WDR62: variants seen among roughly 807,000 people sequenced by gnomAD.
WDR62 encodes the protein WD repeat-containing protein 62.
A neutral mutation model predicts 160.6 loss-of-function variants in WDR62; 112 were observed. The ratio of observed to expected loss-of-function variants is 0.70; its 90% confidence interval spans 0.60 to 0.82. WDR62 has a LOEUF of 0.82. Among genes scored for constraint, WDR62 ranks in the 40% least tolerant of loss-of-function variants. WDR62 has a pLI of 0.00. For missense variants in WDR62, 1,819 were observed against 1,983.8 expected, an observed-to-expected ratio of 0.92 and a Z score of 1.58; for synonymous variants, 792 against 815.1, an observed-to-expected ratio of 0.97 and a Z score of 0.48.
chr19:36,082,026 A>G (rs1971931132), intron 10 of WDR62: 1 of 363,534 alleles, frequency 2.8e-6, no homozygotes, highest in African/African-American at 2.1e-5. Context: ...TTTGGTTAGT[A>G]TTGCAAGCCC....
chr19:36,060,396 A>C (rs1970585828), intron 3 of WDR62: 1 of 281,276 alleles, frequency 3.6e-6, no homozygotes, highest in Non-Finnish European at 7.0e-6. Flanking sequence ...CTGAGACCTG[A>C]AGGAAGCGAG....
intron 7 of WDR62, among the ~76,000 whole-genome samples, chr19:36,069,052 CG>C (rs1030099398): frequency 6.6e-6 from 1 of 151,268 alleles, no homozygotes; most frequent in Non-Finnish European, 1.5e-5. Context: ...CCCTCCTGGA[CG>C]GGGCGGCTGG....
At position 36,084,743 on chromosome 19, in the gene WDR62, G is replaced by A. The variant is rs2301734; in HGVS notation, c.1641G>A (p.Thr547=). The A allele has an allele frequency of 0.19, 307,428 of 1,612,594 alleles. 30,757 individuals are homozygous for A. The highest frequency in any genetic ancestry group is 0.23 in the Middle Eastern group (1,359 of 5,970). ...VLCLEYSKPE[T]GLTLLASASR... Reference sequence around the variant, plus strand: ...GCCTGGAGTACTCCAAGCCAGAGACGGGTGAGCCCGCAGCAGGGGTGGAAT... The same window carrying A: ...GCCTGGAGTACTCCAAGCCAGAGACAGGTGAGCCCGCAGCAGGGGTGGAAT... The change falls in exon 12 of 32, where the codon ACG becomes ACA. Residue 547 remains threonine (T), a splice_region_variant and synonymous_variant. Coordinates refer to ENST00000401500, the MANE Select transcript of WDR62 (RefSeq NM_001083961.2).
At chr19:36,088,994 A>G (rs765927079) in intron 13 of WDR62, 44 bp from the exon 14 acceptor site, 13 of 1,609,898 alleles carry the variant, frequency 8.1e-6, no homozygotes, top group African/African-American at 1.3e-5. Context: ...TCCCCTGCCC[A>G]TGTGGCCCAG....
At chr19:36,069,284 G>A (rs1356488105) in intron 7 of WDR62, among the ~76,000 whole-genome samples, 5 of 151,682 alleles carry the variant, frequency 3.3e-5, no homozygotes, top group African/African-American at 4.8e-5. Context: ...CGGGGCGGCT[G>A]CCGGGCGGAG....
intron 26 of WDR62, chr19:36,102,431 T>C (rs1333958528): frequency 1.7e-6 from 1 of 580,418 alleles, no homozygotes; most frequent in African/African-American, 1.9e-5. Flanking sequence ...CTGCTAATTT[T>C]TTGTATTTTT....
At chr19:36,105,946 A>C (rs1189959611), downstream of WDR62, among the ~76,000 whole-genome samples, 3 of 151,960 alleles carry the variant, frequency 2.0e-5, no homozygotes, top group Admixed American at 6.6e-5. Flanking sequence ...AGATCCGCCC[A>C]CCTCGGCCTC....
intron 11 of WDR62, among the ~76,000 whole-genome samples, chr19:36,084,006 C>T (rs755161439): frequency 6.6e-6 from 1 of 152,114 alleles, no homozygotes; most frequent in Non-Finnish European, 1.5e-5. Flanking sequence ...ATTGACATGG[C>T]ACTGTCTGGA....
At chr19:36,098,376 T>A (rs1237426308) in intron 21 of WDR62, among the ~76,000 whole-genome samples, 1 of 150,082 alleles carries the variant, frequency 6.7e-6, no homozygotes, top group African/African-American at 2.5e-5. Flanking sequence ...ATCATCCCGG[T>A]CAACATGGTA....
rs760153099 is a variant in WDR62, at chr19:36,073,339, T to C, written c.1044-3T>C. Reference sequence around the variant, plus strand: ...TGATTGATTACCCATGTGGCCTTGTTAGCTTCCTCTTCCACAGGAAGGCGG... The same window carrying C: ...TGATTGATTACCCATGTGGCCTTGTCAGCTTCCTCTTCCACAGGAAGGCGG... On this transcript the variant is annotated splice_polypyrimidine_tract_variant and splice_region_variant and intron_variant, in intron 8 of 31. Coordinates refer to ENST00000401500, the MANE Select transcript of WDR62 (RefSeq NM_001083961.2). The C allele has an allele frequency of 1.2e-6, 2 of 1,614,160 alleles. No individual in the cohort carries two copies. The highest frequency in any genetic ancestry group is 2.2e-5 in the East Asian group (1 of 44,870).
At chr19:36,088,413 A>G (rs1325722678) in intron 13 of WDR62, among the ~76,000 whole-genome samples, 2 of 152,176 alleles carry the variant, frequency 1.3e-5, no homozygotes. Flanking sequence ...AGGAACTGTC[A>G]CCATGCCCAT....
chr19:36,076,010 A>G (rs959754782), intron 9 of WDR62: 2 of 152,186 alleles, frequency 1.3e-5, no homozygotes, highest in African/African-American at 2.4e-5. Context: ...TTTATTTAAT[A>G]TCATTATAAA....
In WDR62 at chr19:36,089,117, T is replaced by C. The variant is rs753367214; in HGVS notation, c.1836+12T>C. The C allele has an allele frequency of 1.2e-6, 2 of 1,609,258 alleles. No homozygotes were observed. The highest frequency in any genetic ancestry group is 1.7e-5 in the Admixed American group (1 of 59,938). The stretch of plus-strand genomic sequence containing the variant: ...GCAGTGCCCAGCAGGTAGGGTGGCA[T>C]GGCCTCCTTGGGGGCTGGGGTGGGG... On this transcript the variant is annotated intron_variant, in intron 14 of 31. Transcript: ENST00000401500.
At chr19:36,077,843 G>A (rs1388364078) in intron 9 of WDR62, among the ~76,000 whole-genome samples, 1 of 149,270 alleles carries the variant, frequency 6.7e-6, no homozygotes, top group African/African-American at 2.5e-5. Flanking sequence ...TGATCTGCCC[G>A]CCTCAGCCTC....
chr19:36,086,929 A>G (rs1366387308), intron 13 of WDR62, 117 bp downstream of exon 13: 1 of 1,406,658 alleles, frequency 7.1e-7, no homozygotes, highest in Non-Finnish European at 9.7e-7. Flanking sequence ...GTATCTGTGT[A>G]CAGTATACAG....
Position 36,100,775 on chromosome 19 carries a change from G to C in WDR62, c.2767G>C (p.Gly923Arg). 1 of 1,614,118 alleles carries C rather than the reference G, an allele frequency of 6.2e-7. No individual in the cohort carries two copies. Among genetic ancestry groups the C allele is most frequent in the Non-Finnish European group, 8.5e-7 (1 of 1,180,004 alleles). The change falls in exon 23 of 32, where the codon GGG becomes CGG. Residue 923 changes from glycine to arginine, a missense_variant. Physicochemically the swap from Gly to Arg is moderately radical, Grantham distance 125. Transcript: ENST00000401500. ...ESESPQEAGR[G>R]HPSFLPQQKE... ...AGAGAGTCCCCAGGAAGCTGGCCGC[G>C]GGCACCCCTCCTTCCTGCCCCAGCA... is the stretch of plus-strand genomic sequence containing the variant.
In WDR62 at chr19:36,081,454, C is replaced by G. The variant is rs1469812420; in HGVS notation, c.1255C>G (p.Gln419Glu). 1.2e-6 allele frequency: 2 copies of G among 1,614,030 alleles called. No individual in the cohort carries two copies. The highest frequency in any genetic ancestry group is 2.2e-5 in the South Asian group (2 of 91,082). Residue 419 changes from glutamine to glutamate, a missense_variant, in exon 10 of 32, where the codon CAG becomes GAG. Transcript: ENST00000401500. ...GTAGGTGTATCCTGAGTTTGAAGACCAGAGAGCTTGTTTGCCATCAGGATC... is the reference window on the plus strand; with the variant it reads ...GTAGGTGTATCCTGAGTTTGAAGACGAGAGAGCTTGTTTGCCATCAGGATC... ...NVEVYPEFED[Q>E]RACLPSGSFL...
chr19:36,102,841 A>G lies in WDR62; in HGVS notation c.3325A>G (p.Lys1109Glu). 6.2e-7 allele frequency: 1 copy of G among 1,614,176 alleles called. No homozygotes were observed. The change falls in exon 27 of 32, where the codon AAG becomes GAG. Residue 1109 changes from lysine (K) to glutamate (E), a missense_variant. Transcript: ENST00000401500. Reference protein sequence around the residue: ...ISTQFLSSLQKASRFTHTFPP... With the variant: ...ISTQFLSSLQEASRFTHTFPP... ...CACGCAGTTCCTCTCAAGCCTCCAGAAGGCATCCAGGTAGAAGCTGGCCAA... is the reference window on the plus strand; with the variant it reads ...CACGCAGTTCCTCTCAAGCCTCCAGGAGGCATCCAGGTAGAAGCTGGCCAA...
chr19:36,086,964 T>C, intron 13 of WDR62, 152 bp downstream of exon 13: 1 of 1,244,220 alleles, frequency 8.0e-7, no homozygotes, highest in South Asian at 1.3e-5. Context: ...CCGGGTGTAA[T>C]GGCTCACACC....
Sources: gnomAD v4.1 joint callset for allele counts (sites outside exome capture counted in the v4.1 genomes callset) on GRCh38, gnomAD v4.1.1 for gene constraint, MANE v1.5 for transcripts, NCBI Gene and HGNC (gene_info 2026-07-23, HGNC 2026-07-21) for gene names.